Variants in TMTC1 observed in about 807,000 individuals in gnomAD.
The protein encoded by TMTC1 is protein O-mannosyl-transferase TMTC1.
TMTC1 carries 73 observed loss-of-function variants against 104.8 expected under a neutral mutation model. The observed-to-expected ratio is 0.70, with a 90% CI of 0.58 to 0.85. The LOEUF is 0.85. Among genes scored for constraint, TMTC1 ranks in the 40% least tolerant of loss-of-function variants. TMTC1 has a pLI of 0.00. For synonymous variants in TMTC1, 434 were observed against 428.7 expected (o/e 1.01, Z -0.15); for missense variants, 1,035 against 1,096.1 (o/e 0.94, Z 0.79).
chr12:29,582,767 G>C (rs541984992), intron 8 of TMTC1, among the ~76,000 whole-genome samples: 2 of 152,312 alleles, frequency 1.3e-5, no homozygotes. Context: ...TGACCAATCA[G>C]GTCATAAGTG....
intron 2 of TMTC1, among the ~76,000 whole-genome samples, chr12:29,762,148 C>T (rs2120404051): frequency 6.6e-6 from 1 of 152,234 alleles, no homozygotes; most frequent in African/African-American, 2.4e-5. Context: ...CACTGCGCCC[C>T]AGCCTGGGCG....
At chr12:29,735,092 G>A (rs1942637189) in intron 5 of TMTC1, among the ~76,000 whole-genome samples, 1 of 152,160 alleles carries the variant, frequency 6.6e-6, no homozygotes, top group African/African-American at 2.4e-5. Context: ...GGTGAGCAGA[G>A]GTAAAGCACA....
chr12:29,592,637 G>A (rs1309451745), intron 7 of TMTC1, among the ~76,000 whole-genome samples: 1 of 152,126 alleles, frequency 6.6e-6, no homozygotes, highest in Non-Finnish European at 1.5e-5. Context: ...AAATAAGGCA[G>A]GGCTCTGGCA....
chr12:29,625,290 T>A (rs1344808034), intron 6 of TMTC1, among the ~76,000 whole-genome samples: 1 of 152,212 alleles, frequency 6.6e-6, no homozygotes, highest in Admixed American at 6.5e-5. Context: ...TAGAAGTTCA[T>A]CATCACACAC....
intron 7 of TMTC1, among the ~76,000 whole-genome samples, chr12:29,597,242 C>T (rs866740772): frequency 0.049 from 6,046 of 123,954 alleles, 491 homozygotes; most frequent in African/African-American, 0.17. Flanking sequence ...TCTTTTCTTT[C>T]TTTTTTTTTT....
At chr12:29,547,680 G>A (rs1163189999) in intron 10 of TMTC1, among the ~76,000 whole-genome samples, 1 of 152,296 alleles carries the variant, frequency 6.6e-6, no homozygotes, top group East Asian at 1.9e-4. Context: ...TCTGGCTGGG[G>A]TCTGGGTTTA....
intron 2 of TMTC1, among the ~76,000 whole-genome samples, chr12:29,760,636 A>G (rs1170218119): frequency 6.6e-6 from 1 of 152,152 alleles, no homozygotes. Context: ...GCAGTATTCT[A>G]GCAGGGACGT....
intron 5 of TMTC1, among the ~76,000 whole-genome samples, chr12:29,745,038 A>C (rs1592002037): frequency 1.3e-5 from 2 of 151,966 alleles, no homozygotes; most frequent in South Asian, 2.1e-4. Flanking sequence ...CGATCCTCCC[A>C]CCTCAGCCTC....
chr12:29,717,893 G>T (rs1192885901), intron 5 of TMTC1, among the ~76,000 whole-genome samples: 1 of 152,156 alleles, frequency 6.6e-6, no homozygotes, highest in African/African-American at 2.4e-5. Context: ...CTTTGAACTT[G>T]CATGTGATTT....
chr12:29,593,173 G>C (rs552082196), intron 7 of TMTC1, among the ~76,000 whole-genome samples: 36 of 152,312 alleles, frequency 2.4e-4, no homozygotes, highest in African/African-American at 7.9e-4. Context: ...GTGGGCACAG[G>C]ACAATCTCTC....
At chr12:29,732,118 G>A (rs1844639257) in intron 5 of TMTC1, among the ~76,000 whole-genome samples, 1 of 151,676 alleles carries the variant, frequency 6.6e-6, no homozygotes, top group African/African-American at 2.4e-5. Flanking sequence ...TTTTGAAAAG[G>A]GCACACATAA....
At chr12:29,580,549 G>A (rs1945950333) in intron 8 of TMTC1, among the ~76,000 whole-genome samples, 1 of 152,092 alleles carries the variant, frequency 6.6e-6, no homozygotes, top group Admixed American at 6.6e-5. Context: ...CATAATTAGA[G>A]AGGCCTCAGT....
At chr12:29,558,697 G>A (rs1460782166) in intron 9 of TMTC1, among the ~76,000 whole-genome samples, 1 of 152,132 alleles carries the variant, frequency 6.6e-6, no homozygotes, top group South Asian at 2.1e-4. Context: ...GCCAGCACAC[G>A]CGCTGTTGTT....
At chr12:29,615,266 C>T (rs1443345682) in intron 6 of TMTC1, among the ~76,000 whole-genome samples, 1 of 152,146 alleles carries the variant, frequency 6.6e-6, no homozygotes, top group African/African-American at 2.4e-5. Flanking sequence ...TCTCAGGAAG[C>T]TCCAGGAAGT....
intron 5 of TMTC1, among the ~76,000 whole-genome samples, chr12:29,665,238 A>C (rs6487841): frequency 0.58 from 88,495 of 152,106 alleles, 26,698 homozygotes; most frequent in African/African-American, 0.73. Context: ...TCAAAATTTG[A>C]AGTTGCATAT....
At chr12:29,712,990 C>T (rs946114611) in intron 5 of TMTC1, among the ~76,000 whole-genome samples, 3 of 151,810 alleles carry the variant, frequency 2.0e-5, no homozygotes, top group Non-Finnish European at 4.4e-5. Flanking sequence ...TTTTTTAAGG[C>T]GTGACTAACA....
In TMTC1 at chr12:29,557,441, TAAAACA is replaced by T. The variant is rs544121791; in HGVS notation, c.1533-447_1533-442del. Among the ~76,000 whole-genome samples, 222 of 152,244 alleles carry T rather than the reference TAAAACA, an allele frequency of 1.5e-3. 1 individual carries two copies. The highest frequency in any genetic ancestry group is 4.9e-3 in the African/African-American group (202 of 41,542). ...GAGGAGGAATCTTCATAAACATCTT[TAAAACA>T]AAAACAAAAACAAAAACAAAAAAAC... On this transcript the variant is annotated intron_variant, in intron 9 of 17. Transcript: ENST00000539277.
intron 5 of TMTC1, chr12:29,660,041 A>G (rs1028115510): frequency 7.5e-7 from 1 of 1,338,026 alleles, no homozygotes; most frequent in Non-Finnish European, 1.0e-6. Flanking sequence ...CCCTTTTTGC[A>G]GGTGCATTCT....
At chr12:29,751,619 T>C (rs1489782014) in intron 5 of TMTC1, 47 bp downstream of exon 5, 3 of 1,603,316 alleles carry the variant, frequency 1.9e-6, no homozygotes, top group Non-Finnish European at 2.6e-6. Flanking sequence ...CACTAGGTGA[T>C]GCTGGACATT....
Sources: allele counts gnomAD v4.1 joint callset (sites outside exome capture counted in the v4.1 genomes callset), GRCh38; gene constraint gnomAD v4.1.1; transcripts MANE v1.5; gene names NCBI Gene and HGNC (gene_info 2026-07-23, HGNC 2026-07-21).